The following ARHGAP10 variants were observed in gnomAD, a reference collection of about 807,000 sequenced individuals.
The protein encoded by ARHGAP10 is Rho GTPase activating protein 10, also known as rho GTPase-activating protein 10.
Under a neutral mutation model 108.6 loss-of-function variants are expected in ARHGAP10, and 87 were observed. The ratio of observed to expected loss-of-function variants is 0.80; its 90% confidence interval spans 0.67 to 0.96. The LOEUF is 0.96. Among genes scored for constraint, ARHGAP10 ranks in the 40% least tolerant of loss-of-function variants. ARHGAP10 has a pLI of 0.00. For missense variants in ARHGAP10, 939 were observed against 954.5 expected (o/e 0.98, Z 0.21); for synonymous variants, 347 against 341.1 (o/e 1.02, Z -0.19).
At chr4:148,033,536 T>G (rs944630522) in intron 19 of ARHGAP10, among the ~76,000 whole-genome samples, 1 of 152,232 alleles carries the variant, frequency 6.6e-6, no homozygotes, top group Non-Finnish European at 1.5e-5. Context: ...GGTGATTTTC[T>G]TTATACATAT....
At chr4:148,033,719 A>T (rs1242543911) in intron 19 of ARHGAP10, among the ~76,000 whole-genome samples, 1 of 152,212 alleles carries the variant, frequency 6.6e-6, no homozygotes, top group African/African-American at 2.4e-5. Flanking sequence ...ATATTTTGTA[A>T]TGGAAGGACT....
intron 3 of ARHGAP10, among the ~76,000 whole-genome samples, chr4:147,842,370 T>C (rs1733451242): frequency 6.6e-6 from 1 of 152,336 alleles, no homozygotes; most frequent in Middle Eastern, 3.4e-3. Context: ...AGCCTGGTTC[T>C]TTTGGTGGAA....
intron 20 of ARHGAP10, among the ~76,000 whole-genome samples, chr4:148,055,867 G>A (rs1199202448): frequency 6.6e-6 from 1 of 152,050 alleles, no homozygotes; most frequent in Admixed American, 6.5e-5. Flanking sequence ...CACGAACAGG[G>A]GAGCCCCGCA....
At chr4:147,779,467 G>A (rs1477672933) in intron 1 of ARHGAP10, among the ~76,000 whole-genome samples, 1 of 151,864 alleles carries the variant, frequency 6.6e-6, no homozygotes, top group Non-Finnish European at 1.5e-5. Context: ...ATGGGGAAGG[G>A]TCCTGAGGGG....
At position 147,966,839 on chromosome 4, in the gene ARHGAP10, G is replaced by T; in HGVS notation, c.1716G>T (p.Lys572Asn). Residue 572 changes from lysine (K) to asparagine (N), a missense_variant and splice_region_variant, in exon 18 of 23, where the codon AAG (lysine) becomes AAT (asparagine). Physicochemically the swap from Lys to Asn is moderately conservative, Grantham distance 94. Transcript: ENST00000336498. ...VVEILIENHE[K>N]IFRTPPDTTF... ...AAATCTTAATTGAAAACCATGAAAA[G>T]GTAAAATTTTTTTTTTCTTTAAGAG... The T allele has an allele frequency of 6.4e-7, 1 of 1,564,670 alleles. No homozygotes were observed. Among genetic ancestry groups the T allele is most frequent in the Non-Finnish European group, 8.7e-7 (1 of 1,149,128 alleles).
At chr4:147,835,345 G>T (rs892001787) in intron 3 of ARHGAP10, among the ~76,000 whole-genome samples, 2 of 152,130 alleles carry the variant, frequency 1.3e-5, no homozygotes, top group African/African-American at 2.4e-5. Context: ...ATTCTTTTCT[G>T]AATGTTTCTT....
At chr4:147,767,147 A>G (rs2126713841) in intron 1 of ARHGAP10, among the ~76,000 whole-genome samples, 1 of 152,198 alleles carries the variant, frequency 6.6e-6, no homozygotes, top group Middle Eastern at 3.4e-3. Flanking sequence ...CACCGCGCCC[A>G]GTCTACCTGT....
At chr4:147,732,995 G>T (rs974321569) in intron 1 of ARHGAP10, among the ~76,000 whole-genome samples, 1 of 152,084 alleles carries the variant, frequency 6.6e-6, no homozygotes, top group African/African-American at 2.4e-5. Flanking sequence ...CCTGTTCCAG[G>T]TCCTTCACGT....
chr4:147,984,360 G>T (rs1045162588), intron 18 of ARHGAP10, among the ~76,000 whole-genome samples: 1 of 152,330 alleles, frequency 6.6e-6, no homozygotes, highest in East Asian at 1.9e-4. Flanking sequence ...TGCCAAGTCC[G>T]CCACAGCACA....
chr4:147,961,193 A>G (rs1342509587), intron 16 of ARHGAP10, among the ~76,000 whole-genome samples: 1 of 152,226 alleles, frequency 6.6e-6, no homozygotes, highest in African/African-American at 2.4e-5. Context: ...TGGAAGTTTC[A>G]GTTGCCTCAT....
chr4:147,767,140 C>G (rs964374038), intron 1 of ARHGAP10, among the ~76,000 whole-genome samples: 1 of 151,962 alleles, frequency 6.6e-6, no homozygotes. Flanking sequence ...TGTGAGCCAC[C>G]GCGCCCAGTC....
At chr4:147,785,467 A>C (rs1330401972) in intron 1 of ARHGAP10, among the ~76,000 whole-genome samples, 1 of 152,190 alleles carries the variant, frequency 6.6e-6, no homozygotes, top group Non-Finnish European at 1.5e-5. Context: ...TTTAGAACAC[A>C]AATATTGCAA....
At chr4:148,038,409 A>G (rs1267889320) in intron 19 of ARHGAP10, among the ~76,000 whole-genome samples, 1 of 152,108 alleles carries the variant, frequency 6.6e-6, no homozygotes, top group East Asian at 1.9e-4. Flanking sequence ...CTACTGCAAC[A>G]TTTTATAATC....
In ARHGAP10 at chr4:147,881,950, T is replaced by C. The variant is rs17024037; in HGVS notation, c.1034+18T>C. The C allele has an allele frequency of 0.095, 152,316 of 1,607,928 alleles. 10,499 individuals are homozygous for C. Among genetic ancestry groups the C allele is most frequent in the East Asian group, 0.32 (14,478 of 44,790 alleles). ...GCTGATCGGTAAGTTATTGGAATTA[T>C]TGGACATGGTGAAAGAGTCGTTTTA... On this transcript the variant is annotated intron_variant, in intron 10 of 22. Coordinates refer to ENST00000336498, the MANE Select transcript of ARHGAP10 (RefSeq NM_024605.4).
chr4:148,026,723 G>A (rs1727873409), intron 19 of ARHGAP10, among the ~76,000 whole-genome samples: 1 of 152,036 alleles, frequency 6.6e-6, no homozygotes, highest in Non-Finnish European at 1.5e-5. Context: ...AAGCCATATT[G>A]CTCATTTTTC....
chr4:147,966,901 G>T (rs1164919125), intron 18 of ARHGAP10, 62 bp downstream of exon 18: 1 of 1,295,232 alleles, frequency 7.7e-7, no homozygotes, highest in Non-Finnish European at 1.0e-6. Flanking sequence ...ACTACACAAC[G>T]ATCCTCTTAG....
intron 18 of ARHGAP10, among the ~76,000 whole-genome samples, chr4:147,987,208 T>G (rs1740078141): frequency 6.6e-6 from 1 of 152,260 alleles, no homozygotes; most frequent in Non-Finnish European, 1.5e-5. Flanking sequence ...GCTACATGCT[T>G]TCAGCAAAAT....
intron 19 of ARHGAP10, among the ~76,000 whole-genome samples, chr4:148,045,129 T>C (rs533400795): frequency 4.6e-5 from 7 of 152,308 alleles, no homozygotes; most frequent in Non-Finnish European, 1.0e-4. Context: ...GTGGTACAGT[T>C]GGTTAGTGTG....
At chr4:148,046,693 G>A (rs1213011962) in intron 19 of ARHGAP10, among the ~76,000 whole-genome samples, 199 bp from the exon 20 acceptor site, 2 of 151,762 alleles carry the variant, frequency 1.3e-5, no homozygotes, top group Non-Finnish European at 2.9e-5. Flanking sequence ...AACATTCCTC[G>A]CTGTGTATTA....
Sources: allele counts gnomAD v4.1 joint callset (sites outside exome capture counted in the v4.1 genomes callset), GRCh38; gene constraint gnomAD v4.1.1; transcripts MANE v1.5; gene names NCBI Gene and HGNC (gene_info 2026-07-23, HGNC 2026-07-21).